The following RGS6 variants were observed in gnomAD, a reference collection of about 807,000 sequenced individuals.
RGS6 encodes the protein regulator of G-protein signaling 6.
A neutral mutation model predicts 78.5 loss-of-function variants in RGS6; 30 were observed. The observed-to-expected ratio is 0.38, with a 90% CI of 0.29 to 0.52. The LOEUF is 0.52. RGS6 is among the 20% of genes least tolerant of loss of function. The pLI is 0.85. For synonymous variants in RGS6, 206 were observed against 206.0 expected, an observed-to-expected ratio of 1.00 and a Z score of 0.00; for missense variants, 495 against 609.7, an observed-to-expected ratio of 0.81 and a Z score of 1.98.
At chr14:71,971,739 C>A (rs1172299637) in intron 2 of RGS6, among the ~76,000 whole-genome samples, 1 of 152,116 alleles carries the variant, frequency 6.6e-6, no homozygotes, top group Non-Finnish European at 1.5e-5. Flanking sequence ...GAAGTCTCAG[C>A]TGGGGAAAAG....
chr14:72,314,113 A>G (rs1017552751), intron 2 of RGS6, among the ~76,000 whole-genome samples: 3 of 152,208 alleles, frequency 2.0e-5, no homozygotes, highest in Admixed American at 6.5e-5. Context: ...GTAACCGTCC[A>G]TAGTTACTGT....
At chr14:72,046,095 A>G (rs2092811236) in intron 2 of RGS6, among the ~76,000 whole-genome samples, 1 of 151,852 alleles carries the variant, frequency 6.6e-6, no homozygotes, top group South Asian at 2.1e-4. Context: ...CATCCTCCTG[A>G]TGGAGGTCAA....
chr14:72,281,513 A>G (rs1359330267), intron 2 of RGS6, among the ~76,000 whole-genome samples: 1 of 152,176 alleles, frequency 6.6e-6, no homozygotes, highest in Non-Finnish European at 1.5e-5. Context: ...CATGACTTCA[A>G]ATGATACTGA....
chr14:72,418,773 C>A (rs2093993147), intron 3 of RGS6, among the ~76,000 whole-genome samples: 1 of 152,168 alleles, frequency 6.6e-6, no homozygotes. Flanking sequence ...GATAAAAAGA[C>A]AAATCTGCTG....
chr14:71,998,022 C>T (rs1192668257), intron 2 of RGS6, among the ~76,000 whole-genome samples: 3 of 152,226 alleles, frequency 2.0e-5, no homozygotes, highest in Middle Eastern at 6.8e-3. Context: ...GAGGGCCTGA[C>T]GACGTGCTCA....
intron 2 of RGS6, among the ~76,000 whole-genome samples, chr14:72,186,318 C>G (rs906264932): frequency 6.6e-6 from 1 of 152,256 alleles, no homozygotes; most frequent in Non-Finnish European, 1.5e-5. Flanking sequence ...AGATGGAATA[C>G]AGCCGAGTTT....
chr14:72,409,106 T>C (rs1431326178), intron 3 of RGS6, among the ~76,000 whole-genome samples: 1 of 152,186 alleles, frequency 6.6e-6, no homozygotes, highest in Non-Finnish European at 1.5e-5. Context: ...CAGTGAGGGG[T>C]CCCTCTTGTT....
At chr14:71,999,567 C>A (rs1452102695) in intron 2 of RGS6, among the ~76,000 whole-genome samples, 2 of 152,092 alleles carry the variant, frequency 1.3e-5, no homozygotes, top group Non-Finnish European at 2.9e-5. Flanking sequence ...AAATCATAAC[C>A]TCAATGTTGG....
In RGS6 at chr14:71,969,730, C is replaced by A. The variant is rs367703985; in HGVS notation, c.84+4855C>A. On this transcript the variant is annotated intron_variant, in intron 2 of 17. Coordinates refer to ENST00000553525, the MANE Select transcript of RGS6 (RefSeq NM_001204424.2). ...TTAAAAAATGAATTATATGCACTCA[C>A]CATTAGCTTAATAAATAAAATGTAA... is the stretch of plus-strand genomic sequence containing the variant. Among the ~76,000 whole-genome samples, 5 of 152,204 alleles carry A rather than the reference C, an allele frequency of 3.3e-5. No individual in the cohort carries two copies. The East Asian group carries it at 7.7e-4, about 23-fold the overall frequency.
intron 2 of RGS6, among the ~76,000 whole-genome samples, chr14:71,981,395 A>T (rs1226004036): frequency 6.6e-6 from 1 of 152,016 alleles, no homozygotes; most frequent in Non-Finnish European, 1.5e-5. Context: ...TTGTGGTTTT[A>T]TCTGCTTTTG....
chr14:71,948,742 T>C (rs113200693), intron 1 of RGS6, among the ~76,000 whole-genome samples: 269 of 81,700 alleles, frequency 3.3e-3, no homozygotes, highest in Middle Eastern at 5.7e-3. Flanking sequence ...CTCTCTCTCT[T>C]TTTTTTTTTT....
At chr14:72,460,971 C>T (rs540739992) in intron 6 of RGS6, among the ~76,000 whole-genome samples, 4 of 152,070 alleles carry the variant, frequency 2.6e-5, no homozygotes, top group African/African-American at 9.6e-5. Flanking sequence ...GTGTGGAGGA[C>T]GTCAGTCATG....
At chr14:72,335,260 C>A (rs1019308021) in intron 2 of RGS6, among the ~76,000 whole-genome samples, 1 of 152,146 alleles carries the variant, frequency 6.6e-6, no homozygotes, top group Non-Finnish European at 1.5e-5. Context: ...CAGCCCCTCC[C>A]CTAGGCTTTC....
At chr14:72,146,864 C>A (rs1482522853) in intron 2 of RGS6, among the ~76,000 whole-genome samples, 2 of 152,196 alleles carry the variant, frequency 1.3e-5, no homozygotes, top group African/African-American at 4.8e-5. Flanking sequence ...CCATGCAGCA[C>A]CTTCAACTTT....
At chr14:72,184,865 A>G (rs2097218591) in intron 2 of RGS6, among the ~76,000 whole-genome samples, 4 of 152,230 alleles carry the variant, frequency 2.6e-5, no homozygotes, top group Admixed American at 2.0e-4. Flanking sequence ...CAGGACTAAT[A>G]GGATAGATAG....
rs117950771 is a variant in RGS6 at position 72,148,602 on chromosome 14, G to A, written c.84+183727G>A. 6.9e-3 allele frequency among the ~76,000 whole-genome samples: 1,044 copies of A among 152,234 alleles called. 11 individuals carry two copies. Among genetic ancestry groups the A allele is most frequent in the Non-Finnish European group, 9.1e-3 (618 of 68,010 alleles). The stretch of plus-strand genomic sequence containing the variant: ...TGGACCCCTTAAAGAAAGAGATATG[G>A]ATGAGTTCTAGAGATGTGGAAGAGG... On this transcript the variant is annotated intron_variant, in intron 2 of 17. Coordinates refer to ENST00000553525, the MANE Select transcript of RGS6 (RefSeq NM_001204424.2).
chr14:72,463,362 A>G (rs1327492429), intron 6 of RGS6, among the ~76,000 whole-genome samples: 3 of 152,224 alleles, frequency 2.0e-5, no homozygotes, highest in African/African-American at 7.2e-5. Flanking sequence ...TCTGGGATGC[A>G]GACAAGCCCC....
chr14:72,569,639 A>T (rs1166724891), downstream of RGS6, among the ~76,000 whole-genome samples: 1 of 141,018 alleles, frequency 7.1e-6, no homozygotes, highest in Non-Finnish European at 1.5e-5. Context: ...GAGATCACAC[A>T]GTTGCTGGCT....
intron 3 of RGS6, among the ~76,000 whole-genome samples, chr14:72,451,524 G>A (rs1194421761): frequency 6.6e-6 from 1 of 152,086 alleles, no homozygotes; most frequent in Non-Finnish European, 1.5e-5. Flanking sequence ...ATGATAGCAA[G>A]GAAGGAGTTT....
Sources: gnomAD v4.1 joint callset for allele counts (sites outside exome capture counted in the v4.1 genomes callset) on GRCh38, gnomAD v4.1.1 for gene constraint, MANE v1.5 for transcripts, NCBI Gene and HGNC (gene_info 2026-07-23, HGNC 2026-07-21) for gene names.